Variants in DPF3 observed in about 807,000 individuals in gnomAD.
The protein encoded by DPF3 is double PHD fingers 3.
DPF3 carries 18 observed loss-of-function variants against 56.8 expected under a neutral mutation model. The ratio of observed to expected loss-of-function variants is 0.32; its 90% CI spans 0.22 to 0.47. The LOEUF is 0.47. Ranked by LOEUF, DPF3 falls within the 20% of genes least tolerant of loss-of-function variation. DPF3 has a pLI of 1.00. For synonymous variants in DPF3, 188 were observed against 180.2 expected (o/e 1.04, Z -0.35); for missense variants, 403 against 488.8 (o/e 0.82, Z 1.65).
At chr14:72,763,918 A>G (rs1471594517) in intron 2 of DPF3, among the ~76,000 whole-genome samples, 3 of 152,250 alleles carry the variant, frequency 2.0e-5, no homozygotes, top group Non-Finnish European at 2.9e-5. Flanking sequence ...AAAATGGACA[A>G]AAGATTTGAA....
chr14:72,678,097 T>C (rs1886994990), intron 7 of DPF3, among the ~76,000 whole-genome samples: 1 of 152,192 alleles, frequency 6.6e-6, no homozygotes, highest in Non-Finnish European at 1.5e-5. Context: ...AGTAGGGAAT[T>C]TTTTGACAGA....
At chr14:72,707,868 G>A (rs909493755) in intron 6 of DPF3, among the ~76,000 whole-genome samples, 1 of 151,264 alleles carries the variant, frequency 6.6e-6, no homozygotes, top group African/African-American at 2.4e-5. Flanking sequence ...GTGCAATGGC[G>A]CAAGCTCAGC....
intron 1 of DPF3, among the ~76,000 whole-genome samples, chr14:72,813,250 G>A (rs774947976): frequency 5.3e-5 from 8 of 152,098 alleles, no homozygotes; most frequent in Non-Finnish European, 8.8e-5. Flanking sequence ...TCCGGGAGCC[G>A]TCTGGTAGCA....
At chr14:72,765,256 T>C (rs978569546) in intron 2 of DPF3, among the ~76,000 whole-genome samples, 4 of 152,180 alleles carry the variant, frequency 2.6e-5, no homozygotes, top group African/African-American at 4.8e-5. Flanking sequence ...ACACCAAGTG[T>C]TGGCAAGGAT....
Position 72,612,479 on chromosome 14 carries a change from A to G in DPF3, c.*6818T>C, listed in dbSNP as rs768547856. The G allele has an allele frequency of 1.2e-5, 6 of 518,822 alleles. No homozygotes were observed. The highest frequency in any genetic ancestry group is 7.0e-5 in the South Asian group (5 of 71,552). The allele number at this position is 518,822 out of a possible 1,614,324, so 32.1% of individuals were successfully genotyped here. ...TTAGGCTTCTTCAACTACATGTTGA[A>G]AATGTGCACGGGGTATATTTTCTTT... On this transcript the variant is annotated 3_prime_UTR_variant, in exon 11 of 11. Transcript: ENST00000556509.
intron 5 of DPF3, among the ~76,000 whole-genome samples, chr14:72,716,547 A>G (rs1215395656): frequency 6.6e-6 from 1 of 152,026 alleles, no homozygotes; most frequent in Non-Finnish European, 1.5e-5. Flanking sequence ...TCATCATGGC[A>G]CTGAGCGCTG....
At chr14:72,881,564 A>G (rs1886327289) in intron 1 of DPF3, among the ~76,000 whole-genome samples, 1 of 152,168 alleles carries the variant, frequency 6.6e-6, no homozygotes, top group South Asian at 2.1e-4. Flanking sequence ...AAATAAATAT[A>G]TCAGTCTGGA....
chr14:72,838,908 C>CTTTTTT (rs376458640), intron 1 of DPF3, among the ~76,000 whole-genome samples: 11 of 78,586 alleles, frequency 1.4e-4, no homozygotes, highest in African/African-American at 6.9e-4. Context: ...CATATATATT[C>CTTTTTT]TTTTTTTTTT....
intron 1 of DPF3, among the ~76,000 whole-genome samples, chr14:72,782,430 GC>G (rs922023088): frequency 2.0e-4 from 30 of 152,032 alleles, no homozygotes; most frequent in African/African-American, 6.8e-4. Flanking sequence ...TTGCCATGTT[GC>G]CCAGCCTGGT....
intron 6 of DPF3, 64 bp from the exon 7 acceptor site, chr14:72,693,277 A>G: frequency 3.2e-6 from 5 of 1,548,976 alleles, no homozygotes; most frequent in Non-Finnish European, 4.4e-6. Context: ...AGCCACCGCT[A>G]TCATTCTCCC....
intron 1 of DPF3, among the ~76,000 whole-genome samples, chr14:72,789,686 T>G (rs530025067): frequency 6.6e-6 from 1 of 152,114 alleles, no homozygotes; most frequent in South Asian, 2.1e-4. Flanking sequence ...GTGCCACCAT[T>G]CCCAGCTAAT....
intron 1 of DPF3, among the ~76,000 whole-genome samples, chr14:72,788,578 C>T (rs1191828290): frequency 6.6e-6 from 1 of 152,126 alleles, no homozygotes; most frequent in Non-Finnish European, 1.5e-5. Context: ...CTTATCTTAC[C>T]AGAGGAATCT....
chr14:72,677,230 T>C (rs979180376), intron 7 of DPF3, among the ~76,000 whole-genome samples: 4 of 152,214 alleles, frequency 2.6e-5, no homozygotes, highest in African/African-American at 9.7e-5. Context: ...AAAGTGATCA[T>C]GCACAGCTGT....
intron 5 of DPF3, 46 bp downstream of exon 5, chr14:72,723,587 C>A (rs756197595): frequency 1.3e-6 from 2 of 1,510,378 alleles, no homozygotes; most frequent in Admixed American, 4.7e-5. Context: ...GCCGGGCACC[C>A]CAGCCTCCCT....
intron 1 of DPF3, among the ~76,000 whole-genome samples, chr14:72,811,385 T>G (rs1883038173): frequency 6.6e-6 from 1 of 152,130 alleles, no homozygotes; most frequent in African/African-American, 2.4e-5. Flanking sequence ...ATGCCAAAGA[T>G]AAGACTGCCA....
At chr14:72,892,088 C>T (rs1210976425) in intron 1 of DPF3, 8 of 1,492,188 alleles carry the variant, frequency 5.4e-6, no homozygotes, top group Non-Finnish European at 6.2e-6. Flanking sequence ...ACTGCGCCCG[C>T]CCGCGCGAAA....
intron 7 of DPF3, chr14:72,675,579 T>C (rs1221831400): frequency 6.6e-6 from 1 of 152,232 alleles, no homozygotes; most frequent in African/African-American, 2.4e-5. Flanking sequence ...GATAAACGGA[T>C]TCACCCACTT....
At chr14:72,662,757 A>G in intron 8 of DPF3, 3 of 993,668 alleles carry the variant, frequency 3.0e-6, no homozygotes, top group South Asian at 4.5e-5. Flanking sequence ...GGAGGTGCCA[A>G]TCATCCTGGC....
intron 8 of DPF3, among the ~76,000 whole-genome samples, chr14:72,660,867 G>A (rs1050810241): frequency 1.3e-5 from 2 of 152,210 alleles, no homozygotes; most frequent in Non-Finnish European, 2.9e-5. Context: ...CCATCTGTCA[G>A]CCAAGCCAGT....
Sources: allele counts gnomAD v4.1 joint callset (sites outside exome capture counted in the v4.1 genomes callset), GRCh38; gene constraint gnomAD v4.1.1; transcripts MANE v1.5; gene names NCBI Gene and HGNC (gene_info 2026-07-23, HGNC 2026-07-21).